TGFB3: variants seen among roughly 807,000 people sequenced by gnomAD.
TGFB3 encodes transforming growth factor beta 3, also known as transforming growth factor beta-3 proprotein.
In TGFB3, 5 loss-of-function variants were observed where a neutral mutation model predicts 40.1. The observed-to-expected ratio is 0.12, with a 90% CI of 0.07 to 0.26. The LOEUF (loss-of-function observed/expected upper bound fraction) is 0.26, where lower values mean the gene tolerates loss of function less well. TGFB3 is among the 10% of genes least tolerant of loss of function. TGFB3 has a pLI of 1.00. For synonymous variants in TGFB3, 184 were observed against 205.6 expected, an observed-to-expected ratio of 0.89 and a Z score of 0.90; for missense variants, 373 against 530.1, an observed-to-expected ratio of 0.70 and a Z score of 2.91.
In TGFB3 at chr14:75,977,642, A is replaced by G. The variant is rs575942146; in HGVS notation, c.352+2900T>C. Among the ~76,000 whole-genome samples the G allele has an allele frequency of 2.9e-4, 42 of 146,638 alleles. No individual in the cohort carries two copies. The South Asian group carries it at 9.6e-3, about 34-fold the overall frequency. On this transcript the variant is annotated intron_variant, in intron 1 of 6. Transcript: ENST00000238682. Reference sequence around the variant, plus strand: ...AATTAGGGAGAACATTTGTGGCAGTATGAATCTCCCGGGCAAAAAAAAAAA... The same window carrying G: ...AATTAGGGAGAACATTTGTGGCAGTGTGAATCTCCCGGGCAAAAAAAAAAA...
chr14:75,980,714 C>T lies in TGFB3; in HGVS notation c.180G>A (p.Thr60=), dbSNP rs1594792436. 1.9e-6 allele frequency: 3 copies of T among 1,614,178 alleles called. No individual in the cohort carries two copies. Among genetic ancestry groups the T allele is most frequent in the East Asian group, 2.2e-5 (1 of 44,880 alleles). ...KLRLTSPPEP[T]VMTHVPYQVL... ...CCTGATAGGGGACGTGGGTCATCACCGTTGGCTCAGGGGGGCTGGTGAGCC... is the reference window on the plus strand; with the variant it reads ...CCTGATAGGGGACGTGGGTCATCACTGTTGGCTCAGGGGGGCTGGTGAGCC... The change falls in exon 1 of 7, where the codon ACG becomes ACA. Residue 60 remains threonine (T), a synonymous_variant. Coordinates refer to ENST00000238682, the MANE Select transcript of TGFB3 (RefSeq NM_003239.5). The surrounding 1 kb of genome is among the most constrained non-coding windows in gnomAD (Gnocchi z 4.3).
rs886050795 is a variant in TGFB3, at chr14:75,959,067, G to A, written c.*120C>T. ...AAACCTCCATCTCAGCCATTTGCCC[G>A]GAGCCGAAGGTTGTGGGCTCCAGGC... On this transcript the variant is annotated 3_prime_UTR_variant, in exon 7 of 7. Coordinates refer to ENST00000238682, the MANE Select transcript of TGFB3 (RefSeq NM_003239.5). 44 of 1,276,274 alleles carry A rather than the reference G, an allele frequency of 3.4e-5. No individual in the cohort carries two copies. The highest frequency in any genetic ancestry group is 2.2e-4 in the African/African-American group (15 of 68,156). 79.1% of individuals were successfully genotyped at this position (1,276,274 alleles called of 1,614,324 possible).
chr14:75,968,613 C>A (rs561379971), intron 3 of TGFB3, among the ~76,000 whole-genome samples: 3 of 152,208 alleles, frequency 2.0e-5, no homozygotes, highest in Non-Finnish European at 4.4e-5. Context: ...CCCAGCCCCT[C>A]CTTTCTGTAG....
In TGFB3 at chr14:75,958,820, T is replaced by C. The variant is rs1022664871; in HGVS notation, c.*367A>G. ...TCTGAAGTGTCTTCCAGTCTGGCCC[T>C]GACCCAGCCATTCTCTGCCCTTCCT... On this transcript the variant is annotated 3_prime_UTR_variant, in exon 7 of 7. Coordinates refer to ENST00000238682, the MANE Select transcript of TGFB3 (RefSeq NM_003239.5). The C allele has an allele frequency of 2.8e-6, 1 of 357,562 alleles. No homozygotes were observed. The highest frequency in any genetic ancestry group is 5.5e-6 in the Non-Finnish European group (1 of 183,392). The allele number at this position is 357,562 out of a possible 1,614,324, so 22.1% of individuals were successfully genotyped here.
intron 3 of TGFB3, among the ~76,000 whole-genome samples, chr14:75,969,291 T>C (rs1007395615): frequency 2.6e-5 from 4 of 152,096 alleles, no homozygotes; most frequent in Non-Finnish European, 5.9e-5. Flanking sequence ...TAGCAGCTGA[T>C]GACAGGAGAA....
At chr14:75,974,652 C>CTATTCAGG (rs1276611062) in intron 1 of TGFB3, among the ~76,000 whole-genome samples, 4 of 151,840 alleles carry the variant, frequency 2.6e-5, no homozygotes, top group African/African-American at 9.7e-5. Flanking sequence ...GTAATCCTAG[C>CTATTCAGG]TATTCAGGAG....
chr14:75,961,938 G>A (rs1326497415), intron 5 of TGFB3, among the ~76,000 whole-genome samples: 2 of 152,168 alleles, frequency 1.3e-5, no homozygotes, highest in Admixed American at 6.5e-5. Context: ...TATGCAGGGG[G>A]TAAGGGCAAG....
rs1242889578 is a variant in TGFB3, at chr14:75,980,932, C to A, written c.-39G>T. ...AGAGAGGCCAGGGGGACGGCAAGGC[C>A]TGGAGAGGAAGAGACCCCAGCAGAC... On this transcript the variant is annotated 5_prime_UTR_variant, in exon 1 of 7. In the 5' UTR this introduces an upstream ATG that the reference lacks. Transcript: ENST00000238682. The surrounding 1 kb of genome is among the most constrained non-coding windows in gnomAD (Gnocchi z 4.3). 2.5e-6 allele frequency: 4 copies of A among 1,597,336 alleles called. No homozygotes were observed. The highest frequency in any genetic ancestry group is 3.4e-6 in the Non-Finnish European group (4 of 1,166,458).
chr14:75,970,754 C>G, intron 3 of TGFB3: 1 of 332,374 alleles, frequency 3.0e-6, no homozygotes, highest in Admixed American at 4.1e-5. Context: ...AGGGCCTGGG[C>G]CTCCCTGTTG....
rs2035380015 is a variant in TGFB3, at chr14:75,978,338, C to T, written c.352+2204G>A. ...GCCTTGCAAGCCCCTGATGATGGCT[C>T]TCTGCTCCTGCTCAGCACCTGCCCA... On this transcript the variant is annotated intron_variant, in intron 1 of 6. Coordinates refer to ENST00000238682, the MANE Select transcript of TGFB3 (RefSeq NM_003239.5). This position sits in a 1 kb window ranked among gnomAD's most constrained non-coding sequence, Gnocchi z 5.0. Among the ~76,000 whole-genome samples, 1 of 152,180 alleles carries T rather than the reference C, an allele frequency of 6.6e-6. No homozygotes were observed. Among genetic ancestry groups the T allele is most frequent in the Admixed American group, 6.5e-5 (1 of 15,288 alleles).
In TGFB3 at chr14:75,971,540, T is replaced by C. The variant is rs199930875; in HGVS notation, c.516+15A>G. 110 of 1,613,956 alleles carry C rather than the reference T, an allele frequency of 6.8e-5. No individual in the cohort carries two copies. Among genetic ancestry groups the C allele is most frequent in the Non-Finnish European group, 9.3e-5 (110 of 1,179,952 alleles). ...TTTCCCGTCGGTGTGGTTTCTGCTC[T>C]GAGAGAGGAGTTACCTGGAAGAGCT... On this transcript the variant is annotated intron_variant, in intron 2 of 6. Coordinates refer to ENST00000238682, the MANE Select transcript of TGFB3 (RefSeq NM_003239.5). This position sits in a 1 kb window ranked among gnomAD's most constrained non-coding sequence, Gnocchi z 4.5.
Position 75,980,921 on chromosome 14 carries a change from G to T in TGFB3, c.-28C>A. 1 of 1,606,820 alleles carries T rather than the reference G, an allele frequency of 6.2e-7. No homozygotes were observed. Among genetic ancestry groups the T allele is most frequent in the Non-Finnish European group, 8.5e-7 (1 of 1,174,166 alleles). ...GTGAGCTGGGAAGAGAGGCCAGGGGGACGGCAAGGCCTGGAGAGGAAGAGA... is the reference window on the plus strand; with the variant it reads ...GTGAGCTGGGAAGAGAGGCCAGGGGTACGGCAAGGCCTGGAGAGGAAGAGA... On this transcript the variant is annotated 5_prime_UTR_variant, in exon 1 of 7. Coordinates refer to ENST00000238682, the MANE Select transcript of TGFB3 (RefSeq NM_003239.5). This position sits in a 1 kb window ranked among gnomAD's most constrained non-coding sequence, Gnocchi z 4.3.
upstream of TGFB3, among the ~76,000 whole-genome samples, chr14:75,982,341 T>C (rs929497614): frequency 1.3e-5 from 2 of 152,064 alleles, no homozygotes; most frequent in African/African-American, 2.4e-5. The surrounding 1 kb of genome is among the most constrained non-coding windows in gnomAD (Gnocchi z 4.0). Flanking sequence ...CTCTCCCTCC[T>C]GGTCCCCCGG....
chr14:75,973,801 A>G (rs1458377662), intron 1 of TGFB3, among the ~76,000 whole-genome samples: 1 of 152,170 alleles, frequency 6.6e-6, no homozygotes, highest in African/African-American at 2.4e-5. Context: ...AGTGACTACA[A>G]GAGGAATAAA....
Position 75,974,996 on chromosome 14 carries a change from C to T in TGFB3, c.353-3278G>A, listed in dbSNP as rs374526009. ...ATTTCAGCTACTCGGGAGGCTGAGGCGGGAGGATTGCTTGAGCCCAGGAGT... is the reference window on the plus strand; with the variant it reads ...ATTTCAGCTACTCGGGAGGCTGAGGTGGGAGGATTGCTTGAGCCCAGGAGT... On this transcript the variant is annotated intron_variant, in intron 1 of 6. Coordinates refer to ENST00000238682, the MANE Select transcript of TGFB3 (RefSeq NM_003239.5). 5.3e-5 allele frequency among the ~76,000 whole-genome samples: 8 copies of T among 151,760 alleles called. No homozygotes were observed. In the South Asian group the frequency reaches 6.2e-4, roughly 12 times the overall value.
Position 75,971,411 on chromosome 14 carries a change from GACAGAC to G in TGFB3, c.516+138_516+143del, listed in dbSNP as rs1289334736. On this transcript the variant is annotated intron_variant, in intron 2 of 6. Coordinates refer to ENST00000238682, the MANE Select transcript of TGFB3 (RefSeq NM_003239.5). The surrounding 1 kb of genome is among the most constrained non-coding windows in gnomAD (Gnocchi z 4.5). ...TTAGCTAACTCTTAAGTGTTTTAAT[GACAGAC>G]ACAGATACGGAAACGAAGGCTCAGA... The G allele has an allele frequency of 6.6e-7, 1 of 1,513,914 alleles. No individual in the cohort carries two copies. Among genetic ancestry groups the G allele is most frequent in the East Asian group, 2.4e-5 (1 of 41,970 alleles). The allele number at this position is 1,513,914 out of a possible 1,614,324, so 93.8% of individuals were successfully genotyped here.
Position 75,978,160 on chromosome 14 carries a change from G to C in TGFB3, c.352+2382C>G, listed in dbSNP as rs1458463048. On this transcript the variant is annotated intron_variant, in intron 1 of 6. Coordinates refer to ENST00000238682, the MANE Select transcript of TGFB3 (RefSeq NM_003239.5). The surrounding 1 kb of genome is among the most constrained non-coding windows in gnomAD (Gnocchi z 5.0). ...GTTCACTGGGTCAGGGAAGTGGCCAGAAGTGAGGAAATATGGAACAGAACG... is the reference window on the plus strand; with the variant it reads ...GTTCACTGGGTCAGGGAAGTGGCCACAAGTGAGGAAATATGGAACAGAACG... Among the ~76,000 whole-genome samples the C allele has an allele frequency of 6.6e-6, 1 of 152,264 alleles. No individual in the cohort carries two copies. Among genetic ancestry groups the C allele is most frequent in the East Asian group, 1.9e-4 (1 of 5,170 alleles).
intron 4 of TGFB3, among the ~76,000 whole-genome samples, chr14:75,965,365 C>T (rs1266509217): frequency 5.3e-5 from 8 of 152,212 alleles, no homozygotes; most frequent in African/African-American, 9.7e-5. Context: ...CTTACCAGTA[C>T]GTGTTGTCTT....
chr14:75,975,210 A>C (rs1566684315), intron 1 of TGFB3, among the ~76,000 whole-genome samples: 1 of 152,000 alleles, frequency 6.6e-6, no homozygotes, highest in Non-Finnish European at 1.5e-5. Context: ...TCTACTCCAA[A>C]TACAAAAATT....
Sources: allele counts gnomAD v4.1 joint callset (sites outside exome capture counted in the v4.1 genomes callset), GRCh38; gene constraint gnomAD v4.1.1; non-coding constraint Gnocchi (gnomAD v3.1); transcripts MANE v1.5; gene names NCBI Gene and HGNC (gene_info 2026-07-23, HGNC 2026-07-21).